Variants in EIF4G3 observed in about 807,000 individuals in gnomAD.
EIF4G3 encodes eIF-4-gamma 3.
In EIF4G3, 34 loss-of-function variants were observed where a neutral mutation model predicts 186.4. The observed-to-expected ratio is 0.18, with a 90% confidence interval of 0.14 to 0.24. The LOEUF (loss-of-function observed/expected upper bound fraction) is 0.24. EIF4G3 is among the 10% of genes least tolerant of loss of function. The probability of loss-of-function intolerance (pLI) is 1.00; values close to 1 mark genes in which losing one functional copy is unlikely to be tolerated. For synonymous variants in EIF4G3, 673 were observed against 679.5 expected (o/e 0.99, Z 0.15); for missense variants, 1,536 against 1,948.5 (o/e 0.79, Z 3.99).
chr1:21,080,386 A>C (rs2100775898), intron 3 of EIF4G3, among the ~76,000 whole-genome samples: 1 of 152,186 alleles, frequency 6.6e-6, no homozygotes, highest in East Asian at 1.9e-4. Flanking sequence ...ATCTGTAGTC[A>C]GCTAAAATCA....
chr1:21,014,640 T>TG, intron 4 of EIF4G3, among the ~76,000 whole-genome samples: 1 of 150,612 alleles, frequency 6.6e-6, no homozygotes, highest in South Asian at 2.1e-4. Context: ...AACACCTTTT[T>TG]TTTTTTTTTT....
At chr1:20,968,507 C>T (rs951648683) in intron 12 of EIF4G3, among the ~76,000 whole-genome samples, 3 of 152,022 alleles carry the variant, frequency 2.0e-5, no homozygotes, top group African/African-American at 4.8e-5. Flanking sequence ...GTCAGATTTG[C>T]GGAATCTAAT....
chr1:21,152,241 G>T (rs928483944), intron 2 of EIF4G3, among the ~76,000 whole-genome samples: 5 of 147,062 alleles, frequency 3.4e-5, no homozygotes, highest in Admixed American at 1.4e-4. Context: ...GGAGGCAAAG[G>T]CAGGTGGATT....
intron 4 of EIF4G3, among the ~76,000 whole-genome samples, chr1:21,024,252 T>C (rs1314507801): frequency 6.7e-6 from 1 of 148,546 alleles, no homozygotes; most frequent in East Asian, 2.0e-4. Context: ...AGCCGCCCCG[T>C]CCGGGAGGTG....
chr1:21,010,319 C>A (rs1161986388), intron 4 of EIF4G3, among the ~76,000 whole-genome samples: 1 of 150,376 alleles, frequency 6.6e-6, no homozygotes, highest in African/African-American at 2.5e-5. Context: ...ACTCGGGAGG[C>A]TGAGGCAGAA....
rs185240527 is a variant in EIF4G3, at chr1:21,054,994, A to G, written c.-195-4000T>C. Among the ~76,000 whole-genome samples, 11 of 152,284 alleles carry G rather than the reference A, an allele frequency of 7.2e-5. 1 individual carries two copies. Among genetic ancestry groups the G allele is most frequent in the Admixed American group, 2.6e-4 (4 of 15,304 alleles). ...ATTTTCTTGGGAAAATTTTGTTTCCAATTTTGAGTGACTATTACATTTATA... is the reference window on the plus strand; with the variant it reads ...ATTTTCTTGGGAAAATTTTGTTTCCGATTTTGAGTGACTATTACATTTATA... On this transcript the variant is annotated intron_variant, in intron 3 of 36. Coordinates refer to ENST00000602326, the MANE Select transcript of EIF4G3 (RefSeq NM_001391906.1).
At chr1:21,115,228 T>C (rs2096796244) in intron 2 of EIF4G3, among the ~76,000 whole-genome samples, 1 of 152,168 alleles carries the variant, frequency 6.6e-6, no homozygotes, top group Admixed American at 6.5e-5. Flanking sequence ...CATGTAACCC[T>C]TCCTTTCACA....
chr1:21,064,877 A>G (rs1266375830), intron 3 of EIF4G3: 1 of 152,200 alleles, frequency 6.6e-6, no homozygotes, highest in Non-Finnish European at 1.5e-5. Flanking sequence ...CTGAGGAGTG[A>G]TGGCTTTTAA....
At chr1:20,850,448 A>G (rs924919926) in intron 28 of EIF4G3, among the ~76,000 whole-genome samples, 5 of 152,232 alleles carry the variant, frequency 3.3e-5, no homozygotes, top group African/African-American at 1.2e-4. Flanking sequence ...TAGGGACTAC[A>G]GTTAAGAGAT....
intron 24 of EIF4G3, among the ~76,000 whole-genome samples, chr1:20,859,894 G>C (rs765071817): frequency 3.3e-5 from 5 of 152,138 alleles, no homozygotes; most frequent in Non-Finnish European, 7.4e-5. Flanking sequence ...CGTCCGGCCT[G>C]CTACAAAGTG....
rs371754596 is a variant in EIF4G3, at chr1:21,119,625, CAAAG to C, written c.-271-30416_-271-30413del. Among the ~76,000 whole-genome samples the C allele has an allele frequency of 6.0e-4, 92 of 152,214 alleles. 3 individuals carry two copies. In the South Asian group the frequency reaches 0.014, roughly 23 times the overall value. On this transcript the variant is annotated intron_variant, in intron 2 of 36. Coordinates refer to ENST00000602326, the MANE Select transcript of EIF4G3 (RefSeq NM_001391906.1). ...AAATATTATGTAATTTGAAAAAGGA[CAAAG>C]AAACTATAGATATAACCATAACCTA...
intron 7 of EIF4G3, among the ~76,000 whole-genome samples, chr1:20,987,175 G>A (rs967450430): frequency 6.6e-6 from 1 of 152,192 alleles, no homozygotes; most frequent in Non-Finnish European, 1.5e-5. Flanking sequence ...AATGGTGTTT[G>A]AACGTGCTGG....
chr1:20,857,617 T>A (rs2075338729), intron 24 of EIF4G3, 120 bp from the exon 25 acceptor site: 15 of 858,680 alleles, frequency 1.7e-5, no homozygotes, highest in South Asian at 1.7e-4. Flanking sequence ...AAAGCATTGA[T>A]GACAATATCT....
intron 2 of EIF4G3, chr1:21,111,431 T>G (rs761330942): frequency 4.3e-6 from 2 of 468,134 alleles, no homozygotes; most frequent in African/African-American, 2.0e-5. Flanking sequence ...TAGCACATAC[T>G]AAGCAGTATT....
chr1:20,892,473 A>G (rs565809229), intron 18 of EIF4G3: 25 of 654,064 alleles, frequency 3.8e-5, no homozygotes, highest in Middle Eastern at 4.0e-4. Context: ...TGTAATGGCA[A>G]TCTGCAGTTT....
chr1:20,978,255 G>A (rs935209568), intron 10 of EIF4G3, among the ~76,000 whole-genome samples: 1 of 152,070 alleles, frequency 6.6e-6, no homozygotes, highest in Non-Finnish European at 1.5e-5. Context: ...TACTTCAACA[G>A]CACTTGCAAT....
At chr1:20,945,158 A>AT (rs1008988235) in intron 13 of EIF4G3, among the ~76,000 whole-genome samples, 17 of 152,066 alleles carry the variant, frequency 1.1e-4, no homozygotes, top group African/African-American at 2.2e-4. Flanking sequence ...AAAAACACTT[A>AT]TTTTATCCCT....
chr1:21,086,570 G>A (rs2101040218), intron 3 of EIF4G3, among the ~76,000 whole-genome samples: 1 of 152,106 alleles, frequency 6.6e-6, no homozygotes, highest in South Asian at 2.1e-4. Flanking sequence ...CTTTCTCAAT[G>A]AAGTCACCTC....
At chr1:21,019,537 A>G (rs1159307083) in intron 4 of EIF4G3, among the ~76,000 whole-genome samples, 3 of 152,206 alleles carry the variant, frequency 2.0e-5, no homozygotes, top group Non-Finnish European at 4.4e-5. Flanking sequence ...ATGAAAAATA[A>G]AAATTTTTAT....
Sources: gnomAD v4.1 joint callset for allele counts (sites outside exome capture counted in the v4.1 genomes callset) on GRCh38, gnomAD v4.1.1 for gene constraint, MANE v1.5 for transcripts, NCBI Gene and HGNC (gene_info 2026-07-23, HGNC 2026-07-21) for gene names.